The following TMEM37 variants were observed in gnomAD, a reference collection of about 807,000 sequenced individuals.
The protein encoded by TMEM37 is voltage-dependent calcium channel gamma-like subunit.
A neutral mutation model predicts 11.0 loss-of-function variants in TMEM37; 12 were observed. The ratio of observed to expected loss-of-function variants is 1.09; its 90% CI spans 0.70 to 1.76. TMEM37 has a LOEUF of 1.76. Ranked by LOEUF, TMEM37 falls within the 40% of genes most tolerant of loss-of-function variation. The pLI is 0.00. For synonymous variants in TMEM37, 127 were observed against 110.5 expected (o/e 1.15, Z -0.94); for missense variants, 203 against 251.2 (o/e 0.81, Z 1.30).
At chr2:119,433,015 A>C (rs1682433770) in intron 1 of TMEM37, among the ~76,000 whole-genome samples, 1 of 152,278 alleles carries the variant, frequency 6.6e-6, no homozygotes, top group African/African-American at 2.4e-5. Context: ...GTTCTGGGGG[A>C]TGTCTGGAAT....
chr2:119,430,462 C>T (rs2104733101), upstream of TMEM37: 1 of 472,166 alleles, frequency 2.1e-6, no homozygotes, highest in African/African-American at 2.0e-5. Context: ...CCAAGCCTTC[C>T]TGTGCCTGGG....
chr2:119,437,535 T>TG lies in TMEM37; in HGVS notation c.*98dup, dbSNP rs1682527192. On this transcript the variant is annotated 3_prime_UTR_variant, in exon 2 of 2. Transcript: ENST00000306406. Reference sequence around the variant, plus strand: ...TCCAGCATGTGGCCTCTGGTGGGGCTGGGTTGGACAAGGGCCTTGAAACGG... The same window carrying TG: ...TCCAGCATGTGGCCTCTGGTGGGGCTGGGGTTGGACAAGGGCCTTGAAACGG... The TG allele has an allele frequency of 5.4e-6, 8 of 1,481,362 alleles. No homozygotes were observed. In the Admixed American group the frequency reaches 1.3e-4, roughly 24 times the overall value. 91.8% of individuals were successfully genotyped at this position (1,481,362 alleles called of 1,614,324 possible). A position where few individuals can be genotyped will look rare whatever the true frequency, so the allele number is the denominator to read the frequency against.
intron 1 of TMEM37, among the ~76,000 whole-genome samples, chr2:119,433,060 C>T (rs993190912): frequency 3.3e-5 from 5 of 152,176 alleles, no homozygotes; most frequent in South Asian, 2.1e-4. Flanking sequence ...AGACCAGGTG[C>T]GGTCCCTCCC....
intron 1 of TMEM37, among the ~76,000 whole-genome samples, chr2:119,436,031 G>T (rs1309127034): frequency 6.6e-6 from 1 of 152,210 alleles, no homozygotes; most frequent in Non-Finnish European, 1.5e-5. Flanking sequence ...CTTGTGGGCT[G>T]TGTAAAGAGT....
intron 1 of TMEM37, 33 bp from the exon 2 acceptor site, chr2:119,436,856 G>C: frequency 6.4e-7 from 1 of 1,573,068 alleles, no homozygotes; most frequent in Non-Finnish European, 8.7e-7. Flanking sequence ...GCAGGGCTGT[G>C]GCTGACAGGG....
chr2:119,433,984 TG>T (rs1682452537), intron 1 of TMEM37, among the ~76,000 whole-genome samples: 1 of 152,210 alleles, frequency 6.6e-6, no homozygotes, highest in Non-Finnish European at 1.5e-5. Flanking sequence ...ATTTGATTCC[TG>T]GGAGTTTCAG....
intron 1 of TMEM37, among the ~76,000 whole-genome samples, chr2:119,433,475 G>T (rs755507778): frequency 2.6e-5 from 4 of 152,176 alleles, no homozygotes; most frequent in Non-Finnish European, 5.9e-5. Flanking sequence ...AAATATGGGA[G>T]ACATGTTGGG....
upstream of TMEM37, chr2:119,430,106 C>T (rs1366331496): frequency 1.2e-6 from 1 of 843,238 alleles, no homozygotes; most frequent in East Asian, 2.7e-5. Context: ...TTATCCAGAA[C>T]CCAGAGCTGC....
intron 1 of TMEM37, 187 bp downstream of exon 1, chr2:119,432,111 G>C (rs1340033098): frequency 2.6e-6 from 1 of 389,400 alleles, no homozygotes; most frequent in African/African-American, 2.1e-5. Context: ...GAGCAACCTC[G>C]GGGGGCCTGC....
chr2:119,433,855 T>A (rs17015803), intron 1 of TMEM37, among the ~76,000 whole-genome samples: 1 of 152,062 alleles, frequency 6.6e-6, no homozygotes, highest in Non-Finnish European at 1.5e-5. Flanking sequence ...TGAAAGCTGG[T>A]GGAGATGCCG....
chr2:119,435,253 C>T (rs1682474407), intron 1 of TMEM37, among the ~76,000 whole-genome samples: 2 of 148,228 alleles, frequency 1.3e-5, no homozygotes, highest in Admixed American at 1.3e-4. Context: ...TGAGCAGATA[C>T]TCTTGCTGGG....
chr2:119,432,093 T>C, intron 1 of TMEM37, 169 bp downstream of exon 1: 1 of 425,930 alleles, frequency 2.3e-6, no homozygotes, highest in Non-Finnish European at 3.9e-6. Context: ...CGGAGGAGGC[T>C]GGGCGGGGAG....
At chr2:119,436,211 A>G (rs768630621) in intron 1 of TMEM37, among the ~76,000 whole-genome samples, 2 of 152,186 alleles carry the variant, frequency 1.3e-5, no homozygotes, top group Non-Finnish European at 2.9e-5. Flanking sequence ...GAGAGCTGCA[A>G]TGGCCTTCCC....
At chr2:119,436,747 T>G in intron 1 of TMEM37, 142 bp from the exon 2 acceptor site, 1 of 691,370 alleles carries the variant, frequency 1.4e-6, no homozygotes, top group South Asian at 1.9e-5. Context: ...GTGGGTCTGG[T>G]CTGTTCCGGG....
chr2:119,437,162 G>A lies in TMEM37; in HGVS notation c.295G>A (p.Val99Met), dbSNP rs145649679. ...GGTACGCAGCGTGGGCGCCTTGGCC[G>A]TGGTGGCCGCCATTTTTGGCCTGGA... is the stretch of plus-strand genomic sequence containing the variant. ...GLVRSVGALA[V>M]VAAIFGLEFL... The change falls in exon 2 of 2, where the codon GTG becomes ATG. Residue 99 changes from valine to methionine, a missense_variant. Coordinates refer to ENST00000306406, the MANE Select transcript of TMEM37 (RefSeq NM_183240.3). 1.0e-4 allele frequency: 168 copies of A among 1,614,232 alleles called. No individual in the cohort carries two copies. The African/African-American group carries it at 1.3e-3, about 12-fold the overall frequency.
In TMEM37 at chr2:119,437,846, G is replaced by T. The variant is rs1189903734; in HGVS notation, c.*406G>T. On this transcript the variant is annotated 3_prime_UTR_variant, in exon 2 of 2. Coordinates refer to ENST00000306406, the MANE Select transcript of TMEM37 (RefSeq NM_183240.3). ...TTCATTGACACGTGCTGGGATAGGG[G>T]CTGCAGAATCCCTGGGGCTCCCAGG... 1 of 184,064 alleles carries T rather than the reference G, an allele frequency of 5.4e-6. No individual in the cohort carries two copies. The highest frequency in any genetic ancestry group is 2.4e-5 in the African/African-American group (1 of 42,128). 11.4% of individuals were successfully genotyped at this position (184,064 alleles called of 1,614,324 possible). A position where few individuals can be genotyped will look rare whatever the true frequency, so the allele number is the denominator to read the frequency against.
rs753893254 is a variant in TMEM37 at position 119,436,906 on chromosome 2, C to T, written c.39C>T (p.Gly13=). 13 of 1,613,300 alleles carry T rather than the reference C, an allele frequency of 8.1e-6. No homozygotes were observed. Among genetic ancestry groups the T allele is most frequent in the Non-Finnish European group, 1.0e-5 (12 of 1,179,650 alleles). ...AVGVQAQRPL[G]QRQPRRSFFE... is the part of the protein sequence containing the mutation. ...TTTTCCAGGCCCAGAGGCCTTTGGG[C>T]CAAAGGCAGCCCCGCCGGTCCTTCT... Residue 13 remains glycine, a synonymous_variant, in exon 2 of 2, where the codon GGC becomes GGT. Coordinates refer to ENST00000306406, the MANE Select transcript of TMEM37 (RefSeq NM_183240.3).
In TMEM37 at chr2:119,437,658, T is replaced by C; in HGVS notation, c.*218T>C. On this transcript the variant is annotated 3_prime_UTR_variant, in exon 2 of 2. Transcript: ENST00000306406. ...GCCAGAGGCCAGGAGGGTGCCTCAG[T>C]GCCACCAACTGCACAGGCTTAGCCA... The C allele has an allele frequency of 1.7e-6, 1 of 599,434 alleles. No individual in the cohort carries two copies. The highest frequency in any genetic ancestry group is 2.9e-6 in the Non-Finnish European group (1 of 342,436). 37.1% of individuals were successfully genotyped at this position (599,434 alleles called of 1,614,324 possible).
In TMEM37 at chr2:119,433,528, G is replaced by C. The variant is rs113447791; in HGVS notation, c.21+1604G>C. Reference sequence around the variant, plus strand: ...GGGAGGAGCTTAATTTGTCTACCTGGGGGTGCTTTGGTTAAGGGGAACACA... The same window carrying C: ...GGGAGGAGCTTAATTTGTCTACCTGCGGGTGCTTTGGTTAAGGGGAACACA... On this transcript the variant is annotated intron_variant, in intron 1 of 1. Coordinates refer to ENST00000306406, the MANE Select transcript of TMEM37 (RefSeq NM_183240.3). 4.3e-3 allele frequency among the ~76,000 whole-genome samples: 656 copies of C among 152,254 alleles called. 6 individuals are homozygous for C. The highest frequency in any genetic ancestry group is 0.015 in the African/African-American group (604 of 41,536).
Sources: gnomAD v4.1 joint callset for allele counts (sites outside exome capture counted in the v4.1 genomes callset) on GRCh38, gnomAD v4.1.1 for gene constraint, MANE v1.5 for transcripts, NCBI Gene and HGNC (gene_info 2026-07-23, HGNC 2026-07-21) for gene names.